ATP11B: variants seen among roughly 807,000 people sequenced by gnomAD.
The protein encoded by ATP11B is phospholipid-transporting ATPase IF.
A neutral mutation model predicts 157.8 loss-of-function variants in ATP11B; 81 were observed. The ratio of observed to expected loss-of-function variants is 0.51; its 90% CI spans 0.43 to 0.62. The LOEUF is 0.62. ATP11B is among the 20% of genes least tolerant of loss of function. ATP11B has a pLI of 0.00. For missense variants in ATP11B, 1,165 were observed against 1,402.2 expected, an observed-to-expected ratio of 0.83 and a Z score of 2.70; for synonymous variants, 451 against 469.4, an observed-to-expected ratio of 0.96 and a Z score of 0.51.
At chr3:182,829,574 A>C in intron 3 of ATP11B, 98 bp from the exon 4 acceptor site, 1 of 847,682 alleles carries the variant, frequency 1.2e-6, no homozygotes, top group South Asian at 1.7e-5. Flanking sequence ...ATCGTGAACT[A>C]AAGTATACTC....
At position 182,865,696 on chromosome 3, in the gene ATP11B, C is replaced by A; in HGVS notation, c.1441C>A (p.Leu481Ile). 1 of 1,602,944 alleles carries A rather than the reference C, an allele frequency of 6.2e-7. No individual in the cohort carries two copies. ...FRTSPENETE[L>I]IKEHDLFFKA... ...AACCAGTCCTGAAAATGAAACTGAACTAGTAAGTAATTTTTAAATTAATAA... is the reference window on the plus strand; with the variant it reads ...AACCAGTCCTGAAAATGAAACTGAAATAGTAAGTAATTTTTAAATTAATAA... Residue 481 changes from leucine to isoleucine, a missense_variant and splice_region_variant, in exon 13 of 30, where the codon CTA becomes ATA. By Grantham distance (5) the Leu-to-Ile change is conservative. Coordinates refer to ENST00000323116, the MANE Select transcript of ATP11B (RefSeq NM_014616.3).
intron 4 of ATP11B, among the ~76,000 whole-genome samples, chr3:182,831,344 G>C (rs1718124524): frequency 6.6e-6 from 1 of 151,986 alleles, no homozygotes; most frequent in South Asian, 2.1e-4. Flanking sequence ...TCTTTTGTCT[G>C]GACAATTGCA....
intron 1 of ATP11B, among the ~76,000 whole-genome samples, chr3:182,819,414 T>G (rs74457777): frequency 0.11 from 17,472 of 152,132 alleles, 1,149 homozygotes; most frequent in African/African-American, 0.18. Flanking sequence ...ATGCCGAATG[T>G]TAAAGTGTCT....
chr3:182,891,935 G>T (rs1236157450), intron 25 of ATP11B, among the ~76,000 whole-genome samples: 3 of 152,180 alleles, frequency 2.0e-5, no homozygotes, highest in African/African-American at 7.2e-5. Context: ...AGGATTAAAT[G>T]ACATATTATT....
chr3:182,867,566 A>G (rs1032151947), intron 15 of ATP11B, 122 bp downstream of exon 15: 8 of 482,514 alleles, frequency 1.7e-5, no homozygotes, highest in Non-Finnish European at 2.5e-5. Context: ...TCTACAGCCC[A>G]CAAGTCACAT....
intron 28 of ATP11B, among the ~76,000 whole-genome samples, chr3:182,900,459 G>A (rs1723875242): frequency 6.6e-6 from 1 of 151,960 alleles, no homozygotes; most frequent in Non-Finnish European, 1.5e-5. Flanking sequence ...CTCCAAATGG[G>A]GCTAAAACAA....
Position 182,920,200 on chromosome 3 carries a change from TA to T in ATP11B, c.*2099del, listed in dbSNP as rs1725379219. ...AGGTCAGCTCGCCTATAATGGTGCT[TA>T]AAGTGTGATTGATGTAATTTTCTGT... On this transcript the variant is annotated 3_prime_UTR_variant, in exon 30 of 30. Transcript: ENST00000323116. 6.6e-6 allele frequency: 1 copy of T among 152,204 alleles called. No homozygotes were observed. The highest frequency in any genetic ancestry group is 1.5e-5 in the Non-Finnish European group (1 of 68,034). The allele number at this position is 152,204 out of a possible 1,614,324, so 9.4% of individuals were successfully genotyped here. A position where few individuals can be genotyped will look rare whatever the true frequency, so the allele number is the denominator to read the frequency against.
chr3:182,917,014 C>CA, intron 29 of ATP11B: 2 of 985,240 alleles, frequency 2.0e-6, no homozygotes, highest in Non-Finnish European at 2.4e-6. Context: ...CAGTAGTGAA[C>CA]AAGTCCTTCC....
intron 28 of ATP11B, among the ~76,000 whole-genome samples, chr3:182,906,788 AAAAGAAG>A (rs1724390213): frequency 6.6e-6 from 1 of 151,178 alleles, no homozygotes; most frequent in African/African-American, 2.4e-5. Flanking sequence ...AAAAAAAAAA[AAAAGAAG>A]AAGAAGAAGA....
intron 25 of ATP11B, among the ~76,000 whole-genome samples, chr3:182,890,289 C>G (rs1180464131): frequency 2.0e-5 from 3 of 152,114 alleles, no homozygotes; most frequent in Non-Finnish European, 2.9e-5. Flanking sequence ...GGTTGTCACT[C>G]TTAGTTTCCC....
intron 4 of ATP11B, among the ~76,000 whole-genome samples, chr3:182,834,375 A>G (rs1282326860): frequency 6.6e-6 from 1 of 152,138 alleles, no homozygotes; most frequent in African/African-American, 2.4e-5. Flanking sequence ...CATTTTTTTA[A>G]GGGAAACAGC....
chr3:182,914,450 GT>G, intron 29 of ATP11B: 1 of 985,082 alleles, frequency 1.0e-6, no homozygotes, highest in Non-Finnish European at 1.2e-6. Context: ...TTTCCAGTTG[GT>G]TATTTGAGGC....
At chr3:182,835,368 A>G (rs1000973066) in intron 4 of ATP11B, among the ~76,000 whole-genome samples, 3 of 152,170 alleles carry the variant, frequency 2.0e-5, no homozygotes, top group Non-Finnish European at 2.9e-5. Context: ...TGCTCTGTGA[A>G]TTTATACTTT....
At chr3:182,910,220 A>C (rs1724685126) in intron 28 of ATP11B, among the ~76,000 whole-genome samples, 1 of 152,046 alleles carries the variant, frequency 6.6e-6, no homozygotes, top group Admixed American at 6.5e-5. Context: ...AATTTTTGAC[A>C]TTTCAAGATG....
chr3:182,912,555 A>G (rs1724868440), intron 28 of ATP11B, among the ~76,000 whole-genome samples: 2 of 152,172 alleles, frequency 1.3e-5, no homozygotes, highest in South Asian at 4.1e-4. Flanking sequence ...GAACAAGTCA[A>G]GTTTGGCTCT....
intron 4 of ATP11B, among the ~76,000 whole-genome samples, chr3:182,831,220 G>C (rs1461705190): frequency 1.3e-5 from 2 of 152,194 alleles, no homozygotes; most frequent in Non-Finnish European, 2.9e-5. Flanking sequence ...TTATTCTGCA[G>C]TTTATTAAAT....
At chr3:182,818,574 C>CA (rs529573569) in intron 1 of ATP11B, among the ~76,000 whole-genome samples, 70 of 152,244 alleles carry the variant, frequency 4.6e-4, no homozygotes, top group African/African-American at 1.6e-3. Context: ...TGCATTTGTA[C>CA]AGTCCTGTAC....
chr3:182,834,611 T>G (rs1214224759), intron 4 of ATP11B, among the ~76,000 whole-genome samples: 2 of 152,224 alleles, frequency 1.3e-5, no homozygotes, highest in South Asian at 2.1e-4. Flanking sequence ...ACTTGTGCCG[T>G]ATCTCTGAGT....
intron 4 of ATP11B, among the ~76,000 whole-genome samples, chr3:182,832,766 G>A (rs180691036): frequency 9.9e-5 from 15 of 152,184 alleles, no homozygotes; most frequent in Admixed American, 2.0e-4. Flanking sequence ...AAATAAGATA[G>A]TCTTTGCCCT....
Sources: gnomAD v4.1 joint callset for allele counts (sites outside exome capture counted in the v4.1 genomes callset) on GRCh38, gnomAD v4.1.1 for gene constraint, MANE v1.5 for transcripts, NCBI Gene and HGNC (gene_info 2026-07-23, HGNC 2026-07-21) for gene names.